Variants in LDLRAD4 observed in about 807,000 individuals in gnomAD.
The protein encoded by LDLRAD4 is low density lipoprotein receptor class A domain containing 4, also known as low-density lipoprotein receptor class A domain-containing protein 4.
Under a neutral mutation model 17.0 loss-of-function variants are expected in LDLRAD4, and 5 were observed. The ratio of observed to expected loss-of-function variants is 0.29; its 90% CI spans 0.15 to 0.62. The LOEUF is 0.62. Ranked by LOEUF, LDLRAD4 falls within the 20% of genes least tolerant of loss-of-function variation. LDLRAD4 has a pLI of 0.84. For synonymous variants in LDLRAD4, 168 were observed against 171.8 expected, an observed-to-expected ratio of 0.98 and a Z score of 0.17; for missense variants, 340 against 424.7, an observed-to-expected ratio of 0.80 and a Z score of 1.75.
intron 2 of LDLRAD4, among the ~76,000 whole-genome samples, chr18:13,403,930 G>A (rs1051324796): frequency 9.2e-5 from 14 of 152,222 alleles, no homozygotes; most frequent in Non-Finnish European, 1.6e-4. Flanking sequence ...ATCTGGATGC[G>A]CCCTGTCCCG....
intron 3 of LDLRAD4, among the ~76,000 whole-genome samples, chr18:13,509,891 A>G (rs1197386769): frequency 2.6e-5 from 4 of 152,224 alleles, no homozygotes; most frequent in Non-Finnish European, 4.4e-5. Context: ...AGATTACAAC[A>G]CAATGAAGGC....
At chr18:13,252,903 C>G (rs1567935635) in intron 1 of LDLRAD4, among the ~76,000 whole-genome samples, 1 of 152,220 alleles carries the variant, frequency 6.6e-6, no homozygotes, top group Non-Finnish European at 1.5e-5. Flanking sequence ...CTTTGCTTCT[C>G]TTTGTGTCTT....
At chr18:13,593,079 G>A (rs1178061585) in intron 3 of LDLRAD4, among the ~76,000 whole-genome samples, 5 of 152,166 alleles carry the variant, frequency 3.3e-5, no homozygotes, top group African/African-American at 9.7e-5. Flanking sequence ...TTGGGAGGCC[G>A]AGGCAGGCAG....
chr18:13,616,608 C>A (rs2040105596), intron 3 of LDLRAD4, among the ~76,000 whole-genome samples: 1 of 152,212 alleles, frequency 6.6e-6, no homozygotes, highest in African/African-American at 2.4e-5. Flanking sequence ...GCTTCGGGAG[C>A]ACCCACCGGC....
At chr18:13,363,575 C>T (rs1438561375) in intron 1 of LDLRAD4, among the ~76,000 whole-genome samples, 5 of 152,140 alleles carry the variant, frequency 3.3e-5, no homozygotes, top group Non-Finnish European at 5.9e-5. Context: ...GCTTTGAGGA[C>T]AGTTTTGCAT....
At chr18:13,317,080 C>T (rs1053438160) in intron 1 of LDLRAD4, among the ~76,000 whole-genome samples, 6 of 152,050 alleles carry the variant, frequency 3.9e-5, no homozygotes, top group Non-Finnish European at 5.9e-5. Flanking sequence ...GAGAAGGATG[C>T]CCGGTGCACA....
chr18:13,587,205 A>T (rs1393499596), intron 3 of LDLRAD4, among the ~76,000 whole-genome samples: 2 of 152,152 alleles, frequency 1.3e-5, no homozygotes, highest in African/African-American at 4.8e-5. Flanking sequence ...GTGGACCTGA[A>T]AATTTGCATT....
At chr18:13,418,791 A>T (rs2089175383) in intron 2 of LDLRAD4, among the ~76,000 whole-genome samples, 1 of 152,138 alleles carries the variant, frequency 6.6e-6, no homozygotes, top group Non-Finnish European at 1.5e-5. Flanking sequence ...GCCTATGGAG[A>T]TCCAAGCATT....
At chr18:13,614,460 A>T (rs2148747026) in intron 3 of LDLRAD4, 1 of 152,296 alleles carries the variant, frequency 6.6e-6, no homozygotes, top group East Asian at 1.9e-4. Flanking sequence ...TACTTGTTGT[A>T]CTATACAGTA....
chr18:13,573,210 T>C (rs988975277), intron 3 of LDLRAD4, among the ~76,000 whole-genome samples: 1 of 152,252 alleles, frequency 6.6e-6, no homozygotes, highest in African/African-American at 2.4e-5. Flanking sequence ...GTTGAAGCGA[T>C]TCTTTTGCCT....
chr18:13,613,332 C>A (rs1450945361), intron 3 of LDLRAD4: 1 of 152,372 alleles, frequency 6.6e-6, no homozygotes, highest in African/African-American at 2.4e-5. Flanking sequence ...AGCCACCACT[C>A]TCCCCTGTGG....
At chr18:13,599,640 G>C (rs1167812521) in intron 3 of LDLRAD4, among the ~76,000 whole-genome samples, 1 of 151,802 alleles carries the variant, frequency 6.6e-6, no homozygotes, top group East Asian at 1.9e-4. Flanking sequence ...ACAGGCGCCC[G>C]CCACCACACC....
Position 13,304,370 on chromosome 18 carries a change from C to G in LDLRAD4, c.-383+26182C>G, listed in dbSNP as rs114320089. On this transcript the variant is annotated intron_variant, in intron 1 of 5. Transcript: ENST00000359446. The stretch of plus-strand genomic sequence containing the variant: ...TTCCTGAGCTCACAGTTGGTTGGTA[C>G]TCACATGTTGAAGAGTGCAGAGATG... 2.5e-3 allele frequency among the ~76,000 whole-genome samples: 377 copies of G among 152,332 alleles called. 2 individuals are homozygous for G. The highest frequency in any genetic ancestry group is 8.4e-3 in the African/African-American group (350 of 41,578).
chr18:13,536,732 G>C (rs2094205921), intron 3 of LDLRAD4, among the ~76,000 whole-genome samples: 1 of 152,016 alleles, frequency 6.6e-6, no homozygotes, highest in Admixed American at 6.5e-5. Context: ...AGCTTTTTAT[G>C]ACTGAGTAGT....
intron 1 of LDLRAD4, among the ~76,000 whole-genome samples, chr18:13,347,941 C>T (rs1196547064): frequency 1.3e-5 from 2 of 152,300 alleles, no homozygotes; most frequent in East Asian, 1.9e-4. Flanking sequence ...TTAAGGACTT[C>T]TCTGCATTGG....
chr18:13,410,238 T>TG (rs375602288), intron 2 of LDLRAD4, among the ~76,000 whole-genome samples: 80 of 148,074 alleles, frequency 5.4e-4, no homozygotes, highest in African/African-American at 1.9e-3. Flanking sequence ...GGGATCCTGA[T>TG]GGGGGGCGCT....
At chr18:13,370,159 G>A (rs1425855899) in intron 1 of LDLRAD4, among the ~76,000 whole-genome samples, 1 of 152,254 alleles carries the variant, frequency 6.6e-6, no homozygotes, top group Non-Finnish European at 1.5e-5. Flanking sequence ...AGGACTGTGA[G>A]TCACAGTGCA....
chr18:13,564,370 G>T (rs2094572031), intron 3 of LDLRAD4, among the ~76,000 whole-genome samples: 2 of 148,478 alleles, frequency 1.3e-5, no homozygotes, highest in African/African-American at 2.5e-5. Context: ...GCACATCTCT[G>T]GCAATTTTCC....
intron 3 of LDLRAD4, among the ~76,000 whole-genome samples, chr18:13,470,251 G>A (rs1013101685): frequency 6.6e-6 from 1 of 152,052 alleles, no homozygotes; most frequent in African/African-American, 2.4e-5. Context: ...ACTTTCTTCA[G>A]ACTCATATTT....
Sources: allele counts gnomAD v4.1 joint callset (sites outside exome capture counted in the v4.1 genomes callset), GRCh38; gene constraint gnomAD v4.1.1; transcripts MANE v1.5; gene names NCBI Gene and HGNC (gene_info 2026-07-23, HGNC 2026-07-21).